Variants in CSMD1 observed in about 807,000 individuals in gnomAD.
The protein encoded by CSMD1 is CUB and sushi domain-containing protein 1.
CSMD1 carries 213 observed loss-of-function variants against 417.5 expected under a neutral mutation model. That is an observed-to-expected ratio of 0.51 (90% confidence interval 0.46 to 0.57). The LOEUF (loss-of-function observed/expected upper bound fraction) is 0.57. CSMD1 is among the 20% of genes least tolerant of loss of function. CSMD1 has a pLI of 0.00. For missense variants in CSMD1, 6,923 were observed against 4,529.7 expected (o/e 1.53, Z -15.17); for synonymous variants, 2,862 against 1,736.8 (o/e 1.65, Z -16.11).
At chr8:3,328,082 C>G (rs1806650673) in intron 23 of CSMD1, among the ~76,000 whole-genome samples, 1 of 152,198 alleles carries the variant, frequency 6.6e-6, no homozygotes, top group African/African-American at 2.4e-5. Context: ...CTGAGACTCA[C>G]AATGAGGGCA....
At chr8:4,432,703 C>T (rs574348302) in intron 2 of CSMD1, among the ~76,000 whole-genome samples, 3 of 152,176 alleles carry the variant, frequency 2.0e-5, no homozygotes, top group African/African-American at 7.2e-5. Context: ...CTCTCCAGAG[C>T]CTGTGCTTTT....
intron 6 of CSMD1, among the ~76,000 whole-genome samples, chr8:3,752,025 G>C (rs1797367341): frequency 6.6e-6 from 1 of 152,232 alleles, no homozygotes; most frequent in Middle Eastern, 3.4e-3. Flanking sequence ...AGAAAGTGCA[G>C]ACAGAATTTC....
At chr8:3,417,566 C>G (rs949144864) in intron 12 of CSMD1, among the ~76,000 whole-genome samples, 3 of 152,158 alleles carry the variant, frequency 2.0e-5, no homozygotes, top group Non-Finnish European at 4.4e-5. Context: ...AAGGTGTGTT[C>G]CAGGGCTGCC....
chr8:4,908,286 C>T (rs1805433092), intron 1 of CSMD1, among the ~76,000 whole-genome samples: 1 of 152,078 alleles, frequency 6.6e-6, no homozygotes, highest in Admixed American at 6.6e-5. Flanking sequence ...TTCAAGGTTT[C>T]CTTTATCTCT....
intron 26 of CSMD1, among the ~76,000 whole-genome samples, chr8:3,254,860 T>C (rs1800534450): frequency 6.6e-6 from 1 of 152,214 alleles, no homozygotes; most frequent in African/African-American, 2.4e-5. Flanking sequence ...TGAAGCCTTC[T>C]TCTCTCAACT....
intron 5 of CSMD1, among the ~76,000 whole-genome samples, chr8:3,834,871 G>GA (rs982637641): frequency 6.6e-6 from 1 of 151,476 alleles, no homozygotes; most frequent in African/African-American, 2.4e-5. Flanking sequence ...AAATTTACAA[G>GA]AAAAAAACAA....
rs199831197 is a variant in CSMD1, at chr8:3,513,118, A to AT, written c.1345-19393dup. Among the ~76,000 whole-genome samples, 10 of 142,112 alleles carry AT rather than the reference A, an allele frequency of 7.0e-5. No individual in the cohort carries two copies. In the South Asian group the frequency reaches 2.2e-3, roughly 31 times the overall value. The allele number at this position is 142,112 out of a possible 152,430, so 93.2% of individuals were successfully genotyped here. A position where few individuals can be genotyped will look rare whatever the true frequency, so the allele number is the denominator to read the frequency against. Reference sequence around the variant, plus strand: ...CTCCTTGGGGTGAATGCATTGAATTATTATTATTATTTTTTTTTATATGCC... The same window carrying AT: ...CTCCTTGGGGTGAATGCATTGAATTATTTATTATTATTTTTTTTTATATGCC... On this transcript the variant is annotated intron_variant, in intron 10 of 69. Transcript: ENST00000635120.
At chr8:4,178,144 C>A (rs76513813) in intron 3 of CSMD1, among the ~76,000 whole-genome samples, 1 of 152,142 alleles carries the variant, frequency 6.6e-6, no homozygotes, top group Admixed American at 6.5e-5. Flanking sequence ...GAATTTTAGA[C>A]CAATATCCTT....
At chr8:4,519,782 A>AAAAAAAAAAT (rs1803333257) in intron 2 of CSMD1, among the ~76,000 whole-genome samples, 1 of 131,754 alleles carries the variant, frequency 7.6e-6, no homozygotes, top group Non-Finnish European at 1.6e-5. Flanking sequence ...AAAAAAAAAA[A>AAAAAAAAAAT]TTCTTGCCTT....
At chr8:3,592,644 C>T (rs913141558) in intron 8 of CSMD1, among the ~76,000 whole-genome samples, 2 of 151,860 alleles carry the variant, frequency 1.3e-5, no homozygotes, top group Admixed American at 6.6e-5. Flanking sequence ...GCTGAAGGGT[C>T]TATGTGTGTG....
At chr8:4,900,141 T>C (rs1309617750) in intron 1 of CSMD1, among the ~76,000 whole-genome samples, 1 of 152,082 alleles carries the variant, frequency 6.6e-6, no homozygotes, top group Non-Finnish European at 1.5e-5. Flanking sequence ...TTCTTCACAC[T>C]CTAGTTTTCT....
rs533309265 is a variant in CSMD1 at position 3,074,630 on chromosome 8, A to G, written c.7474+12467T>C. 7.9e-5 allele frequency among the ~76,000 whole-genome samples: 12 copies of G among 152,364 alleles called. 1 individual carries two copies. In the South Asian group the frequency reaches 2.1e-3, roughly 26 times the overall value. On this transcript the variant is annotated intron_variant, in intron 49 of 69. Coordinates refer to ENST00000635120, the MANE Select transcript of CSMD1 (RefSeq NM_033225.6). ...TGTATCCTGTGGCAATGAGTGGAAG[A>G]AAGTGCAAAGATGTTTCTGAATGAG...
intron 6 of CSMD1, among the ~76,000 whole-genome samples, chr8:3,743,346 G>T (rs2623718): frequency 0.12 from 18,944 of 152,258 alleles, 1,210 homozygotes; most frequent in Middle Eastern, 0.15. Flanking sequence ...TGCTGCTTTT[G>T]CTCTTTAGAA....
chr8:3,115,204 CCCT>C (rs370253537), intron 42 of CSMD1, among the ~76,000 whole-genome samples: 1,402 of 139,920 alleles, frequency 0.01, 12 homozygotes, highest in South Asian at 0.047. Flanking sequence ...TCCCCCCCCC[CCCT>C]TTTTTTTTTT....
intron 1 of CSMD1, among the ~76,000 whole-genome samples, chr8:4,785,433 A>C (rs551942685): frequency 6.6e-6 from 1 of 152,300 alleles, no homozygotes; most frequent in African/African-American, 2.4e-5. Flanking sequence ...ACAGTGGGTT[A>C]GATCACCATT....
intron 23 of CSMD1, among the ~76,000 whole-genome samples, chr8:3,332,463 C>G (rs1326508676): frequency 6.6e-6 from 1 of 152,212 alleles, no homozygotes; most frequent in Non-Finnish European, 1.5e-5. Flanking sequence ...TGCAGTGAGG[C>G]TGATGCTTAG....
At chr8:3,204,513 T>C (rs955399402) in intron 31 of CSMD1, among the ~76,000 whole-genome samples, 1 of 152,186 alleles carries the variant, frequency 6.6e-6, no homozygotes, top group African/African-American at 2.4e-5. Flanking sequence ...TTTTAAGTAT[T>C]ACTGCCCATT....
At position 4,941,720 on chromosome 8, in the gene CSMD1, T is replaced by A. The variant is rs563912437; in HGVS notation, c.85+52612A>T. On this transcript the variant is annotated intron_variant, in intron 1 of 69. Transcript: ENST00000635120. ...CTCAAGCAATTCTCTCGCCTCAACC[T>A]CCTGAGTAGTTGGGACCACAGGCAT... 6.6e-5 allele frequency among the ~76,000 whole-genome samples: 10 copies of A among 152,210 alleles called. No individual in the cohort carries two copies. In the South Asian group the frequency reaches 1.7e-3, roughly 25 times the overall value.
At chr8:4,205,076 T>C (rs745613373) in intron 3 of CSMD1, among the ~76,000 whole-genome samples, 3 of 152,244 alleles carry the variant, frequency 2.0e-5, no homozygotes, top group Non-Finnish European at 4.4e-5. Context: ...CAGAGTTTAC[T>C]GTAAACATCA....
Sources: gnomAD v4.1 joint callset for allele counts (sites outside exome capture counted in the v4.1 genomes callset) on GRCh38, gnomAD v4.1.1 for gene constraint, MANE v1.5 for transcripts, NCBI Gene and HGNC (gene_info 2026-07-23, HGNC 2026-07-21) for gene names.